The following GOSR1 variants were observed in gnomAD, a reference collection of about 807,000 sequenced individuals.
GOSR1 encodes 28 kDa Golgi SNARE protein.
A neutral mutation model predicts 35.5 loss-of-function variants in GOSR1; 21 were observed. The observed-to-expected ratio is 0.59, with a 90% CI of 0.42 to 0.85. The LOEUF is 0.85. Ranked by LOEUF, GOSR1 falls within the 40% of genes least tolerant of loss-of-function variation. The pLI is 0.00. For missense variants in GOSR1, 285 were observed against 309.6 expected (o/e 0.92, Z 0.60); for synonymous variants, 94 against 106.6 (o/e 0.88, Z 0.73).
At chr17:30,478,871 A>G (rs954353319) in intron 1 of GOSR1, 2 of 152,172 alleles carry the variant, frequency 1.3e-5, no homozygotes, top group African/African-American at 4.8e-5. Context: ...AAACATTTTA[A>G]AATTATGTAG....
At chr17:30,487,398 A>G (rs1428669307) in intron 4 of GOSR1, among the ~76,000 whole-genome samples, 1 of 152,184 alleles carries the variant, frequency 6.6e-6, no homozygotes, top group Non-Finnish European at 1.5e-5. Context: ...CTTTCTAAAT[A>G]AGACTTGATA....
chr17:30,487,762 C>T (rs1914768545), intron 4 of GOSR1, among the ~76,000 whole-genome samples: 1 of 151,844 alleles, frequency 6.6e-6, no homozygotes, highest in African/African-American at 2.4e-5. Flanking sequence ...TTCTTTGATC[C>T]AGTTATTCTT....
At chr17:30,500,026 T>C (rs1967146017) in intron 6 of GOSR1, among the ~76,000 whole-genome samples, 2 of 152,204 alleles carry the variant, frequency 1.3e-5, no homozygotes, top group South Asian at 4.1e-4. Flanking sequence ...CCTTTTGTTG[T>C]GGGCTTTTTT....
At chr17:30,484,349 G>A (rs1183278480) in intron 3 of GOSR1, 48 bp downstream of exon 3, 2 of 976,500 alleles carry the variant, frequency 2.0e-6, no homozygotes, top group African/African-American at 1.6e-5. Flanking sequence ...CTGTATACTT[G>A]TTACGTAGGA....
At chr17:30,495,383 A>C in intron 6 of GOSR1, 1 of 450,542 alleles carries the variant, frequency 2.2e-6, no homozygotes, top group South Asian at 1.6e-5. Flanking sequence ...TTTGAATAAA[A>C]TACGTCTTCT....
At chr17:30,485,152 ATACTT>A (rs1380986689) in intron 4 of GOSR1, 71 of 294,330 alleles carry the variant, frequency 2.4e-4, no homozygotes, top group African/African-American at 1.4e-3. Flanking sequence ...ATTATTTACT[ATACTT>A]AGTATATTGT....
intron 6 of GOSR1, among the ~76,000 whole-genome samples, chr17:30,495,092 G>A (rs1168112212): frequency 6.7e-6 from 1 of 149,768 alleles, no homozygotes; most frequent in African/African-American, 2.5e-5. Context: ...GGAGGCTGAG[G>A]CAGGAGAATT....
rs189406376 is a variant in GOSR1 at position 30,501,254 on chromosome 17, T to C, written c.509+8501T>C. On this transcript the variant is annotated intron_variant, in intron 6 of 8. Transcript: ENST00000451249. ...ACAGCCATCTTAACCAAGGAAGATA[T>C]ACAGATGATAAATTAAGCATGTGAA... 7.6e-4 allele frequency among the ~76,000 whole-genome samples: 116 copies of C among 152,238 alleles called. 1 individual carries two copies. The highest frequency in any genetic ancestry group is 2.5e-3 in the African/African-American group (105 of 41,514).
chr17:30,495,977 A>C (rs1259988632), intron 6 of GOSR1, among the ~76,000 whole-genome samples: 1 of 152,186 alleles, frequency 6.6e-6, no homozygotes, highest in African/African-American at 2.4e-5. Context: ...CTCTTCAAGA[A>C]CTTTACCAAA....
At chr17:30,484,623 A>G in intron 3 of GOSR1, 40 bp from the exon 4 acceptor site, 1 of 1,099,046 alleles carries the variant, frequency 9.1e-7, no homozygotes, top group Non-Finnish European at 1.3e-6. Flanking sequence ...TATAGTGCTT[A>G]GTAAAATATT....
intron 7 of GOSR1, among the ~76,000 whole-genome samples, chr17:30,515,946 A>G (rs558801980): frequency 6.6e-6 from 1 of 152,336 alleles, no homozygotes; most frequent in South Asian, 2.1e-4. Flanking sequence ...ATTCTCTAGG[A>G]CTTTTCATTT....
intron 5 of GOSR1, among the ~76,000 whole-genome samples, chr17:30,490,735 A>G (rs1399207910): frequency 6.6e-6 from 1 of 152,146 alleles, no homozygotes; most frequent in Admixed American, 6.5e-5. Flanking sequence ...AGGACTCCCA[A>G]CATTCTCATA....
chr17:30,508,892 G>A (rs1325504052), intron 6 of GOSR1, among the ~76,000 whole-genome samples: 1 of 152,148 alleles, frequency 6.6e-6, no homozygotes, highest in African/African-American at 2.4e-5. Flanking sequence ...GGTAGATTCA[G>A]CATTTAAATA....
intron 8 of GOSR1, among the ~76,000 whole-genome samples, chr17:30,521,532 C>T (rs558239575): frequency 4.6e-4 from 70 of 150,822 alleles, no homozygotes; most frequent in African/African-American, 1.6e-3. Context: ...CCTAGCATAG[C>T]GCCTCATACA....
intron 5 of GOSR1, among the ~76,000 whole-genome samples, chr17:30,491,395 C>T (rs1915033426): frequency 6.6e-6 from 1 of 152,096 alleles, no homozygotes; most frequent in Non-Finnish European, 1.5e-5. Flanking sequence ...GTGGTGGCTC[C>T]CGCCTGTAAT....
rs987790257 is a variant in GOSR1 at position 30,525,121 on chromosome 17, G to T, written c.*2743G>T. ...CTCTTCACCATTGGAATTCACTGTG[G>T]TATTTATAGTATTGGCTTCAGTCCG... On this transcript the variant is annotated 3_prime_UTR_variant, in exon 9 of 9. Coordinates refer to ENST00000451249, the MANE Select transcript of GOSR1 (RefSeq NM_001007025.2). 1.3e-5 allele frequency: 2 copies of T among 152,144 alleles called. No homozygotes were observed. The highest frequency in any genetic ancestry group is 2.9e-5 in the Non-Finnish European group (2 of 68,030). 9.4% of individuals were successfully genotyped at this position (152,144 alleles called of 1,614,324 possible). A position where few individuals can be genotyped will look rare whatever the true frequency, so the allele number is the denominator to read the frequency against.
chr17:30,484,433 A>G, intron 3 of GOSR1, 132 bp downstream of exon 3: 1 of 690,146 alleles, frequency 1.4e-6, no homozygotes, highest in East Asian at 2.6e-5. Flanking sequence ...TCCCCACACC[A>G]CTTGAATTTT....
intron 6 of GOSR1, among the ~76,000 whole-genome samples, chr17:30,499,162 A>G (rs1967108169): frequency 6.6e-6 from 1 of 152,312 alleles, no homozygotes; most frequent in Admixed American, 6.5e-5. Context: ...TTTTTCTTAA[A>G]TGTCAGTAAT....
chr17:30,486,378 G>T (rs113389767), intron 4 of GOSR1, among the ~76,000 whole-genome samples: 1 of 151,768 alleles, frequency 6.6e-6, no homozygotes, highest in Non-Finnish European at 1.5e-5. Flanking sequence ...TTAGCGGGGC[G>T]TGGTGGTGGG....
Sources: gnomAD v4.1 joint callset for allele counts (sites outside exome capture counted in the v4.1 genomes callset) on GRCh38, gnomAD v4.1.1 for gene constraint, MANE v1.5 for transcripts, NCBI Gene and HGNC (gene_info 2026-07-23, HGNC 2026-07-21) for gene names.